The following IL15 variants were observed in gnomAD, a reference collection of about 807,000 sequenced individuals.
IL15 encodes interleukin-15.
Under a neutral mutation model 19.6 loss-of-function variants are expected in IL15, and 11 were observed. That is an observed-to-expected ratio of 0.56 (90% CI 0.35 to 0.93). The LOEUF (loss-of-function observed/expected upper bound fraction) is 0.93. Ranked by LOEUF, IL15 falls within the 40% of genes least tolerant of loss-of-function variation. IL15 has a pLI of 0.01. For synonymous variants in IL15, 58 were observed against 59.6 expected, an observed-to-expected ratio of 0.97 and a Z score of 0.12; for missense variants, 197 against 186.5, an observed-to-expected ratio of 1.06 and a Z score of -0.33.
chr4:141,718,612 A>G (rs1729970999), intron 2 of IL15: 1 of 152,314 alleles, frequency 6.6e-6, no homozygotes, highest in East Asian at 1.9e-4. Context: ...GTTATAGACA[A>G]TACATTTTAA....
At chr4:141,727,647 C>G (rs895140599) in intron 5 of IL15, among the ~76,000 whole-genome samples, 1 of 152,072 alleles carries the variant, frequency 6.6e-6, no homozygotes, top group Non-Finnish European at 1.5e-5. Flanking sequence ...TGCAAGCACA[C>G]ACACTGTGGC....
At chr4:141,729,098 T>G (rs12508955) in intron 6 of IL15, among the ~76,000 whole-genome samples, 117,147 of 152,030 alleles carry the variant, frequency 0.77, 45,476 homozygotes, top group East Asian at 0.99. Context: ...GACTGTTGGG[T>G]TTAAGGAATA....
At chr4:141,698,724 T>G (rs1334112124) in intron 2 of IL15, among the ~76,000 whole-genome samples, 1 of 152,146 alleles carries the variant, frequency 6.6e-6, no homozygotes, top group Non-Finnish European at 1.5e-5. Context: ...GAATCGTCTC[T>G]CTTCTTGGTT....
intron 2 of IL15, chr4:141,704,599 C>G (rs1445006931): frequency 5.2e-6 from 2 of 386,202 alleles, no homozygotes; most frequent in Non-Finnish European, 1.0e-5. Flanking sequence ...CAATTTTCTT[C>G]AGTAGTTTGA....
At chr4:141,708,694 A>G (rs910040170) in intron 2 of IL15, among the ~76,000 whole-genome samples, 3 of 152,092 alleles carry the variant, frequency 2.0e-5, no homozygotes, top group East Asian at 3.9e-4. Context: ...TCTCCTCTCT[A>G]TGGTGCTATT....
chr4:141,707,383 T>C (rs1270099154), intron 2 of IL15, among the ~76,000 whole-genome samples: 1 of 152,180 alleles, frequency 6.6e-6, no homozygotes, highest in Non-Finnish European at 1.5e-5. Flanking sequence ...TTTTTAGGCA[T>C]TTCATAAGTA....
chr4:141,641,063 T>G (rs573794117), intron 1 of IL15, among the ~76,000 whole-genome samples: 1 of 152,292 alleles, frequency 6.6e-6, no homozygotes, highest in East Asian at 1.9e-4. Context: ...GTATTTTGCT[T>G]ATGTGCCTTC....
intron 2 of IL15, among the ~76,000 whole-genome samples, chr4:141,665,430 C>T (rs1047910234): frequency 3.9e-5 from 6 of 152,000 alleles, no homozygotes; most frequent in African/African-American, 1.4e-4. Flanking sequence ...TTAATATATA[C>T]TAGGTCTAGT....
Position 141,678,151 on chromosome 4 carries a change from T to C in IL15, c.-100+21844T>C, listed in dbSNP as rs112212150. ...CAGTTTTACATGCACACTGGTCCTG[T>C]AAAATAGGAGATCCAGATGGTCAGA... On this transcript the variant is annotated intron_variant, in intron 2 of 7. Transcript: ENST00000320650. Among the ~76,000 whole-genome samples the C allele has an allele frequency of 2.5e-3, 376 of 152,326 alleles. 1 individual carries two copies. The highest frequency in any genetic ancestry group is 4.5e-3 in the Non-Finnish European group (309 of 68,028).
chr4:141,686,816 C>T (rs1728727514), intron 2 of IL15, among the ~76,000 whole-genome samples: 1 of 152,120 alleles, frequency 6.6e-6, no homozygotes, highest in Non-Finnish European at 1.5e-5. Flanking sequence ...CAGTTATCAT[C>T]AAATATTATT....
chr4:141,708,893 G>A (rs1729612614), intron 2 of IL15, among the ~76,000 whole-genome samples: 1 of 151,950 alleles, frequency 6.6e-6, no homozygotes, highest in Admixed American at 6.6e-5. Context: ...TTAATTATGT[G>A]CAATTTCCAG....
intron 1 of IL15, among the ~76,000 whole-genome samples, chr4:141,645,236 G>T (rs980451365): frequency 3.9e-5 from 6 of 152,066 alleles, no homozygotes; most frequent in African/African-American, 1.4e-4. Context: ...AATTTTTTGG[G>T]AAGTCAAGGT....
At chr4:141,689,085 C>T (rs1728808727) in intron 2 of IL15, 1 of 155,956 alleles carries the variant, frequency 6.4e-6, no homozygotes, top group Non-Finnish European at 1.4e-5. Flanking sequence ...TTCGTTCCTC[C>T]CGGTGGGCTC....
At chr4:141,676,729 A>C (rs964148125) in intron 2 of IL15, among the ~76,000 whole-genome samples, 3 of 152,096 alleles carry the variant, frequency 2.0e-5, no homozygotes, top group Non-Finnish European at 4.4e-5. Flanking sequence ...AGGATTTATG[A>C]CAGAGCCAAT....
chr4:141,690,771 A>G (rs557395439), intron 2 of IL15, among the ~76,000 whole-genome samples: 10 of 151,902 alleles, frequency 6.6e-5, no homozygotes, highest in African/African-American at 2.4e-4. Flanking sequence ...TCCATGACAT[A>G]CTCCTATTTT....
At chr4:141,703,452 C>G (rs1392247522) in intron 2 of IL15, among the ~76,000 whole-genome samples, 1 of 152,170 alleles carries the variant, frequency 6.6e-6, no homozygotes, top group Non-Finnish European at 1.5e-5. Flanking sequence ...ACCTGCAAGG[C>G]ACTTCCTGCG....
intron 1 of IL15, among the ~76,000 whole-genome samples, chr4:141,645,040 G>C (rs1398804197): frequency 6.6e-6 from 1 of 152,094 alleles, no homozygotes; most frequent in Non-Finnish European, 1.5e-5. Flanking sequence ...GGCGTAGCCT[G>C]CTTTCTGATG....
chr4:141,648,573 T>C (rs1260295221), intron 1 of IL15, among the ~76,000 whole-genome samples: 1 of 152,030 alleles, frequency 6.6e-6, no homozygotes, highest in Non-Finnish European at 1.5e-5. Context: ...CCTGAGGGTT[T>C]AAGAGAAGAA....
At chr4:141,701,412 G>A (rs1414393362) in intron 2 of IL15, among the ~76,000 whole-genome samples, 3 of 152,132 alleles carry the variant, frequency 2.0e-5, no homozygotes, top group African/African-American at 7.2e-5. Flanking sequence ...ATAGAGAGAC[G>A]TTGTGTGTTG....
Sources: gnomAD v4.1 joint callset for allele counts (sites outside exome capture counted in the v4.1 genomes callset) on GRCh38, gnomAD v4.1.1 for gene constraint, MANE v1.5 for transcripts, NCBI Gene and HGNC (gene_info 2026-07-23, HGNC 2026-07-21) for gene names.